The following TCF7L2 variants were observed in gnomAD, a reference collection of about 807,000 sequenced individuals.
The protein encoded by TCF7L2 is transcription factor 7-like 2.
In TCF7L2, 23 loss-of-function variants were observed where a neutral mutation model predicts 77.9. The observed-to-expected ratio is 0.30, with a 90% CI of 0.21 to 0.42. The LOEUF (loss-of-function observed/expected upper bound fraction) is 0.42, where lower values mean the gene tolerates loss of function less well. Among genes scored for constraint, TCF7L2 ranks in the 10% least tolerant of loss-of-function variants. The pLI is 1.00. For synonymous variants in TCF7L2, 413 were observed against 340.2 expected, an observed-to-expected ratio of 1.21 and a Z score of -2.36; for missense variants, 654 against 793.1, an observed-to-expected ratio of 0.82 and a Z score of 2.11.
At chr10:113,073,598 G>A (rs781657813) in intron 5 of TCF7L2, among the ~76,000 whole-genome samples, 4 of 151,216 alleles carry the variant, frequency 2.6e-5, no homozygotes, top group African/African-American at 4.9e-5. Flanking sequence ...AGGCTGAGGC[G>A]GGAGGATCGC....
intron 4 of TCF7L2, among the ~76,000 whole-genome samples, chr10:113,022,143 A>C (rs2048354861): frequency 6.6e-6 from 1 of 152,190 alleles, no homozygotes; most frequent in Non-Finnish European, 1.5e-5. Context: ...TGCACATTGC[A>C]AAACCTCTTT....
rs1461251868 is a variant in TCF7L2 at position 113,166,080 on chromosome 10, G to A, written c.*108G>A. ...TTTTGTTTTGTACTCTCTTAATTTTGTGCCATGTGGCTACATTAGTTGATG... is the reference window on the plus strand; with the variant it reads ...TTTTGTTTTGTACTCTCTTAATTTTATGCCATGTGGCTACATTAGTTGATG... On this transcript the variant is annotated 3_prime_UTR_variant, in exon 14 of 14. Coordinates refer to ENST00000627217, the MANE Select transcript of TCF7L2 (RefSeq NM_001146274.2). 1 of 962,994 alleles carries A rather than the reference G, an allele frequency of 1.0e-6. No homozygotes were observed. Among genetic ancestry groups the A allele is most frequent in the East Asian group, 3.1e-5 (1 of 31,812 alleles). The allele number at this position is 962,994 out of a possible 1,614,324, so 59.7% of individuals were successfully genotyped here.
intron 4 of TCF7L2, among the ~76,000 whole-genome samples, chr10:113,038,564 T>C (rs1450493418): frequency 6.6e-6 from 1 of 152,238 alleles, no homozygotes; most frequent in Non-Finnish European, 1.5e-5. Flanking sequence ...TTGGCACTTC[T>C]GTCTCTCGTG....
chr10:112,951,782 C>T (rs2031553653), intron 3 of TCF7L2, 175 bp downstream of exon 3: 2 of 191,982 alleles, frequency 1.0e-5, no homozygotes, highest in Non-Finnish European at 9.7e-6. Flanking sequence ...CCAAACTTTT[C>T]TGCCTTTTGT....
chr10:112,988,349 T>C (rs1354663442), intron 4 of TCF7L2, among the ~76,000 whole-genome samples: 1 of 152,202 alleles, frequency 6.6e-6, no homozygotes, highest in East Asian at 1.9e-4. Context: ...TCCACCCGCC[T>C]TAGCCTCCCA....
chr10:113,046,081 G>A (rs992347079), intron 5 of TCF7L2, among the ~76,000 whole-genome samples: 3 of 152,000 alleles, frequency 2.0e-5, no homozygotes, highest in Non-Finnish European at 2.9e-5. Flanking sequence ...GTGTACATGG[G>A]GCCATGATAG....
intron 11 of TCF7L2, chr10:113,157,770 A>C: frequency 2.3e-6 from 1 of 443,912 alleles, no homozygotes. Flanking sequence ...GTACATGAGA[A>C]ATGAGAGCTT....
chr10:113,069,432 G>A (rs2057674570), intron 5 of TCF7L2, among the ~76,000 whole-genome samples: 1 of 152,074 alleles, frequency 6.6e-6, no homozygotes, highest in South Asian at 2.1e-4. Context: ...GTTTCACCAT[G>A]TTGGCCAGGC....
At chr10:112,958,785 C>A (rs139438657) in intron 3 of TCF7L2, among the ~76,000 whole-genome samples, 1 of 151,994 alleles carries the variant, frequency 6.6e-6, no homozygotes, top group Non-Finnish European at 1.5e-5. Flanking sequence ...ATGTTGTTGT[C>A]GTGTCAGTTT....
intron 5 of TCF7L2, among the ~76,000 whole-genome samples, chr10:113,067,337 C>A (rs2057389051): frequency 6.6e-6 from 1 of 152,122 alleles, no homozygotes; most frequent in Admixed American, 6.5e-5. Context: ...TAATACTCAA[C>A]CCAAAGTCAA....
intron 5 of TCF7L2, among the ~76,000 whole-genome samples, chr10:113,080,776 C>T (rs1300758618): frequency 6.6e-6 from 1 of 152,044 alleles, no homozygotes; most frequent in East Asian, 1.9e-4. Flanking sequence ...ATAAATTAGC[C>T]CTCGTTTGCA....
intron 13 of TCF7L2, chr10:113,161,428 C>T: frequency 1.3e-6 from 1 of 771,362 alleles, no homozygotes; most frequent in Non-Finnish European, 2.1e-6. Context: ...ACCCATGTTC[C>T]ACCTGCAGGT....
chr10:113,059,750 G>A (rs1241538392), intron 5 of TCF7L2, among the ~76,000 whole-genome samples: 2 of 152,100 alleles, frequency 1.3e-5, no homozygotes, highest in Non-Finnish European at 2.9e-5. Flanking sequence ...GCCCAAAGCT[G>A]GCTCGGAAAT....
rs546370340 is a variant in TCF7L2 at position 112,952,997 on chromosome 10, C to T, written c.381+1390C>T. Among the ~76,000 whole-genome samples, 5 of 152,274 alleles carry T rather than the reference C, an allele frequency of 3.3e-5. No individual in the cohort carries two copies. In the South Asian group the frequency reaches 1.0e-3, roughly 32 times the overall value. ...TTTGGTCCCCTACCCCTTATTTACA[C>T]ACACGACTTTTGTTTTTTCTTTTTC... On this transcript the variant is annotated intron_variant, in intron 3 of 13. Coordinates refer to ENST00000627217, the MANE Select transcript of TCF7L2 (RefSeq NM_001146274.2).
chr10:113,033,672 CA>C (rs1239781956), intron 4 of TCF7L2, among the ~76,000 whole-genome samples: 11 of 152,316 alleles, frequency 7.2e-5, no homozygotes, highest in African/African-American at 2.4e-4. Flanking sequence ...ACAGCAATCA[CA>C]CATTTCTTTT....
chr10:113,104,155 G>A (rs141971461), intron 5 of TCF7L2, among the ~76,000 whole-genome samples: 1 of 152,154 alleles, frequency 6.6e-6, no homozygotes, highest in Non-Finnish European at 1.5e-5. Flanking sequence ...GTGGTCACAT[G>A]GGCAAAGAGA....
rs2037194147 is a variant in TCF7L2, at chr10:112,967,383, T to C, written c.450+2759T>C. Among the ~76,000 whole-genome samples the C allele has an allele frequency of 3.9e-5, 6 of 152,172 alleles. No individual in the cohort carries two copies. In the South Asian group the frequency reaches 1.0e-3, roughly 26 times the overall value. On this transcript the variant is annotated intron_variant, in intron 4 of 13. Transcript: ENST00000627217. ...ATTAGACTCATACGACTCATACTCT[T>C]TTCCCTTCCCATCCCTCCTGTAATC... is the stretch of plus-strand genomic sequence containing the variant.
chr10:112,980,050 G>A (rs772992409), intron 4 of TCF7L2, among the ~76,000 whole-genome samples: 6 of 152,192 alleles, frequency 3.9e-5, no homozygotes, highest in Non-Finnish European at 7.3e-5. Context: ...TATTTGTGCT[G>A]AAAGAATCAT....
intron 4 of TCF7L2, among the ~76,000 whole-genome samples, chr10:113,020,680 G>A (rs1361150656): frequency 6.6e-6 from 1 of 152,098 alleles, no homozygotes; most frequent in African/African-American, 2.4e-5. Flanking sequence ...ACCTCATTTA[G>A]TTCTCACCAC....
Sources: gnomAD v4.1 joint callset for allele counts (sites outside exome capture counted in the v4.1 genomes callset) on GRCh38, gnomAD v4.1.1 for gene constraint, MANE v1.5 for transcripts, NCBI Gene and HGNC (gene_info 2026-07-23, HGNC 2026-07-21) for gene names.